The following DGKB variants were observed in gnomAD, a reference collection of about 807,000 sequenced individuals.
DGKB encodes the protein 90 kDa diacylglycerol kinase.
A neutral mutation model predicts 114.3 loss-of-function variants in DGKB; 67 were observed. The observed-to-expected ratio is 0.59, with a 90% CI of 0.48 to 0.72. The LOEUF is 0.72. Among genes scored for constraint, DGKB ranks in the 30% least tolerant of loss-of-function variants. The pLI is 0.00. For missense variants in DGKB, 907 were observed against 975.2 expected, an observed-to-expected ratio of 0.93 and a Z score of 0.93; for synonymous variants, 398 against 323.1, an observed-to-expected ratio of 1.23 and a Z score of -2.49.
intron 23 of DGKB, among the ~76,000 whole-genome samples, chr7:14,305,491 G>C (rs1804317103): frequency 6.6e-6 from 1 of 152,080 alleles, no homozygotes; most frequent in African/African-American, 2.4e-5. Context: ...GTCATATTTA[G>C]GCTGAAATGA....
At chr7:14,448,927 A>G (rs1421011615) in intron 21 of DGKB, among the ~76,000 whole-genome samples, 1 of 152,080 alleles carries the variant, frequency 6.6e-6, no homozygotes, top group African/African-American at 2.4e-5. Context: ...AACAGAATTC[A>G]ATAAGAAGAA....
chr7:14,636,034 G>A (rs1176023936), intron 13 of DGKB, among the ~76,000 whole-genome samples: 1 of 151,586 alleles, frequency 6.6e-6, no homozygotes, highest in Non-Finnish European at 1.5e-5. Flanking sequence ...AAAAAACAAA[G>A]AGGTTATAAT....
At chr7:14,644,031 C>A (rs1812401937) in intron 13 of DGKB, among the ~76,000 whole-genome samples, 1 of 151,106 alleles carries the variant, frequency 6.6e-6, no homozygotes, top group African/African-American at 2.4e-5. Flanking sequence ...TGGGCTCTCC[C>A]AAAGAAAGTT....
chr7:14,639,755 G>A (rs1811395753), intron 13 of DGKB, among the ~76,000 whole-genome samples: 2 of 152,032 alleles, frequency 1.3e-5, no homozygotes, highest in African/African-American at 4.8e-5. Context: ...AGGTTGTTTT[G>A]TTTTTGTTTT....
At chr7:14,720,610 T>C (rs6974971) in intron 5 of DGKB, among the ~76,000 whole-genome samples, 62,843 of 151,854 alleles carry the variant, frequency 0.41, 14,925 homozygotes, top group East Asian at 0.88. Flanking sequence ...CCCAAAGTGC[T>C]GGGATTACAG....
At chr7:14,717,725 A>G (rs764090736) in intron 6 of DGKB, among the ~76,000 whole-genome samples, 1 of 152,148 alleles carries the variant, frequency 6.6e-6, no homozygotes, top group Non-Finnish European at 1.5e-5. Context: ...TCATTCTAGT[A>G]GCAAGCATTT....
chr7:14,611,885 T>C (rs1306926181), intron 16 of DGKB, among the ~76,000 whole-genome samples: 1 of 151,736 alleles, frequency 6.6e-6, no homozygotes, highest in South Asian at 2.1e-4. Context: ...TAATTTCCAA[T>C]GTGGATTTAA....
chr7:14,965,627 A>G (rs1156452241), intron 1 of DGKB, among the ~76,000 whole-genome samples: 1 of 152,136 alleles, frequency 6.6e-6, no homozygotes, highest in African/African-American at 2.4e-5. Context: ...TACATTCATA[A>G]GTAAAATTAT....
chr7:14,954,293 G>A (rs1228774643), intron 1 of DGKB, among the ~76,000 whole-genome samples: 1 of 152,138 alleles, frequency 6.6e-6, no homozygotes, highest in South Asian at 2.1e-4. Flanking sequence ...CTTGGTAAAG[G>A]GGATGTAGAG....
At chr7:14,278,721 G>C (rs1422806740) in intron 23 of DGKB, among the ~76,000 whole-genome samples, 1 of 152,010 alleles carries the variant, frequency 6.6e-6, no homozygotes, top group Non-Finnish European at 1.5e-5. Flanking sequence ...GAAAATACCT[G>C]CAAATTATAC....
At chr7:14,773,920 G>GA (rs1837778879) in intron 2 of DGKB, among the ~76,000 whole-genome samples, 1 of 142,372 alleles carries the variant, frequency 7.0e-6, no homozygotes, top group African/African-American at 3.0e-5. Flanking sequence ...CTCGGCAAAG[G>GA]GGGAAAAAGG....
chr7:14,689,404 C>G (rs1456211935), intron 9 of DGKB, among the ~76,000 whole-genome samples: 1 of 151,828 alleles, frequency 6.6e-6, no homozygotes, highest in African/African-American at 2.4e-5. Context: ...ATCACCTGAC[C>G]TCGTGATCCG....
At chr7:14,708,638 C>A (rs1319289812) in intron 6 of DGKB, among the ~76,000 whole-genome samples, 1 of 151,502 alleles carries the variant, frequency 6.6e-6, no homozygotes, top group African/African-American at 2.4e-5. Context: ...TGGAACAGAA[C>A]AGAGCCCTCA....
chr7:14,526,266 T>A (rs1790627485), intron 20 of DGKB, among the ~76,000 whole-genome samples: 2 of 152,146 alleles, frequency 1.3e-5, no homozygotes, highest in Admixed American at 6.6e-5. Flanking sequence ...TGGGGGGCTA[T>A]ACAGTATTGC....
rs1484946606 is a variant in DGKB, at chr7:14,859,472, G to T, written c.-187-18022C>A. Among the ~76,000 whole-genome samples, 4 of 152,102 alleles carry T rather than the reference G, an allele frequency of 2.6e-5. No homozygotes were observed. In the East Asian group the frequency reaches 7.7e-4, roughly 29 times the overall value. The stretch of plus-strand genomic sequence containing the variant: ...GAAAATGACTTCAAAAGGTGAAGCA[G>T]AGAGCTCAAGTACAGGGGAACACTG... On this transcript the variant is annotated intron_variant, in intron 1 of 25. Coordinates refer to ENST00000402815, the MANE Select transcript of DGKB (RefSeq NM_001350709.2).
intron 21 of DGKB, among the ~76,000 whole-genome samples, chr7:14,412,571 T>C (rs1732341510): frequency 6.6e-6 from 1 of 152,086 alleles, no homozygotes; most frequent in Non-Finnish European, 1.5e-5. Flanking sequence ...AGGTGACAGA[T>C]CAAACCAGGT....
At chr7:14,886,864 G>A (rs894591375) in intron 1 of DGKB, among the ~76,000 whole-genome samples, 60 of 151,804 alleles carry the variant, frequency 4.0e-4, no homozygotes, top group African/African-American at 1.4e-3. Flanking sequence ...ACAGCCTTGC[G>A]CCATCTGACT....
chr7:14,813,824 T>C (rs541831200), intron 2 of DGKB, among the ~76,000 whole-genome samples: 49 of 152,284 alleles, frequency 3.2e-4, no homozygotes, highest in African/African-American at 1.0e-3. Context: ...GTTATATTAT[T>C]TACACATTTT....
intron 22 of DGKB, among the ~76,000 whole-genome samples, chr7:14,340,156 A>C (rs1353993654): frequency 9.1e-6 from 1 of 109,442 alleles, no homozygotes; most frequent in Admixed American, 1.0e-4. Flanking sequence ...GATCTGGATG[A>C]TGCTTTTTTT....
Sources: gnomAD v4.1 joint callset for allele counts (sites outside exome capture counted in the v4.1 genomes callset) on GRCh38, gnomAD v4.1.1 for gene constraint, MANE v1.5 for transcripts, NCBI Gene and HGNC (gene_info 2026-07-23, HGNC 2026-07-21) for gene names.